Variants in NECAB1 observed in about 807,000 individuals in gnomAD.
NECAB1 encodes the protein N-terminal EF-hand calcium-binding protein 1.
Under a neutral mutation model 57.5 loss-of-function variants are expected in NECAB1, and 29 were observed. The observed-to-expected ratio is 0.50, with a 90% confidence interval of 0.38 to 0.69. The LOEUF is 0.69. Among genes scored for constraint, NECAB1 ranks in the 30% least tolerant of loss-of-function variants. The probability of loss-of-function intolerance (pLI) is 0.00; values close to 1 mark genes in which losing one functional copy is unlikely to be tolerated. For synonymous variants in NECAB1, 142 were observed against 147.7 expected (o/e 0.96, Z 0.28); for missense variants, 372 against 413.8 (o/e 0.90, Z 0.88).
intron 1 of NECAB1, among the ~76,000 whole-genome samples, chr8:90,793,390 C>A (rs909493207): frequency 3.9e-5 from 6 of 152,184 alleles, no homozygotes; most frequent in African/African-American, 1.4e-4. Context: ...TCATCTCCTT[C>A]CCACCAAATC....
rs373779342 is a variant in NECAB1 at position 90,938,985 on chromosome 8, C to G, written c.748-1801C>G. ...CTGAGCTTTCTCGTATGTCTAGGAG[C>G]TCAAGTGTGCTCTATGTGGTTTTTA... On this transcript the variant is annotated intron_variant, in intron 9 of 12. Coordinates refer to ENST00000417640, the MANE Select transcript of NECAB1 (RefSeq NM_022351.5). Among the ~76,000 whole-genome samples, 18 of 152,246 alleles carry G rather than the reference C, an allele frequency of 1.2e-4. No individual in the cohort carries two copies. In the East Asian group the frequency reaches 2.5e-3, roughly 21 times the overall value.
In NECAB1 at chr8:90,917,870, A is replaced by ATATATATATATATATG. The variant is rs1554575432; in HGVS notation, c.494+243_494+244insATATATATATATATGT. 2.3e-3 allele frequency among the ~76,000 whole-genome samples: 150 copies of ATATATATATATATATG among 64,304 alleles called. 1 individual carries two copies. Among genetic ancestry groups the ATATATATATATATATG allele is most frequent in the African/African-American group, 3.2e-3 (31 of 9,584 alleles). The allele number at this position is 64,304 out of a possible 152,430, so 42.2% of individuals were successfully genotyped here. A position where few individuals can be genotyped will look rare whatever the true frequency, so the allele number is the denominator to read the frequency against. On this transcript the variant is annotated intron_variant, in intron 6 of 12. Transcript: ENST00000417640. ...TATATATATATATATATATATATAT[A>ATATATATATATATATG]TGTGTGTGTGTGCGTGTATATATAT...
At chr8:90,950,281 T>C (rs551451004) in intron 11 of NECAB1, among the ~76,000 whole-genome samples, 2 of 152,280 alleles carry the variant, frequency 1.3e-5, no homozygotes, top group South Asian at 4.1e-4. Flanking sequence ...AGTTATTTTA[T>C]TTTACAATAA....
chr8:90,868,560 G>A (rs1454233625), intron 3 of NECAB1, among the ~76,000 whole-genome samples: 1 of 152,188 alleles, frequency 6.6e-6, no homozygotes, highest in East Asian at 1.9e-4. Context: ...TTGTGCCCCT[G>A]TTCTAAGGAT....
chr8:90,900,843 C>T (rs1207893920), intron 5 of NECAB1, among the ~76,000 whole-genome samples: 1 of 152,154 alleles, frequency 6.6e-6, no homozygotes, highest in Non-Finnish European at 1.5e-5. Context: ...GCTCAAAGTG[C>T]CTACTTGAAA....
chr8:90,879,077 A>G (rs1316897590), intron 4 of NECAB1, among the ~76,000 whole-genome samples: 1 of 131,454 alleles, frequency 7.6e-6, no homozygotes, highest in South Asian at 2.1e-4. Flanking sequence ...TATAATATAT[A>G]TTATATATAT....
chr8:90,859,368 T>C (rs1175945968), intron 3 of NECAB1: 5 of 152,186 alleles, frequency 3.3e-5, no homozygotes, highest in Non-Finnish European at 5.9e-5. Context: ...AAGGTTTTAA[T>C]GTGGATGATG....
At chr8:90,941,085 C>CT (rs1302021717) in intron 10 of NECAB1, among the ~76,000 whole-genome samples, 187 bp downstream of exon 10, 1 of 152,206 alleles carries the variant, frequency 6.6e-6, no homozygotes, top group Admixed American at 6.5e-5. Context: ...TCTCTTTAAT[C>CT]TTTAAACCCC....
intron 3 of NECAB1, among the ~76,000 whole-genome samples, chr8:90,855,057 T>G (rs1175720480): frequency 6.6e-6 from 1 of 152,228 alleles, no homozygotes; most frequent in Non-Finnish European, 1.5e-5. Context: ...CCAAGGCCTA[T>G]TCTCTTGTTT....
intron 3 of NECAB1, among the ~76,000 whole-genome samples, chr8:90,869,101 G>A (rs1251233580): frequency 1.3e-5 from 2 of 152,252 alleles, no homozygotes; most frequent in East Asian, 3.9e-4. Context: ...CAAGCCCTAA[G>A]CCTTTGCAAC....
intron 2 of NECAB1, among the ~76,000 whole-genome samples, chr8:90,809,198 T>C (rs1031091983): frequency 1.9e-4 from 29 of 152,312 alleles, no homozygotes; most frequent in African/African-American, 6.7e-4. Context: ...CTTGCCCCTC[T>C]AGATGTGTCT....
At chr8:90,837,573 T>C (rs965135105) in intron 3 of NECAB1, among the ~76,000 whole-genome samples, 2 of 152,218 alleles carry the variant, frequency 1.3e-5, no homozygotes, top group Non-Finnish European at 2.9e-5. Context: ...AAGTGAAACA[T>C]TGGAGAAGGG....
At chr8:90,854,365 G>T (rs1461460907) in intron 3 of NECAB1, among the ~76,000 whole-genome samples, 1 of 152,176 alleles carries the variant, frequency 6.6e-6, no homozygotes, top group Non-Finnish European at 1.5e-5. Context: ...CATTGGGCTT[G>T]TTGGAGCACT....
intron 3 of NECAB1, among the ~76,000 whole-genome samples, chr8:90,839,679 C>T (rs766259862): frequency 1.3e-5 from 2 of 152,046 alleles, no homozygotes; most frequent in African/African-American, 2.4e-5. Context: ...AGCCTGTAGA[C>T]GAGAGAGAGT....
Position 90,881,080 on chromosome 8 carries a change from C to G in NECAB1, c.307C>G (p.Leu103Val). 1 of 1,608,038 alleles carries G rather than the reference C, an allele frequency of 6.2e-7. No individual in the cohort carries two copies. Among genetic ancestry groups the G allele is most frequent in the Admixed American group, 1.7e-5 (1 of 59,524 alleles). Residue 103 changes from leucine (L) to valine (V), a missense_variant, in exon 5 of 13, where the codon CTT (leucine) becomes GTT (valine). Coordinates refer to ENST00000417640, the MANE Select transcript of NECAB1 (RefSeq NM_022351.5). The stretch of plus-strand genomic sequence containing the variant: ...CGAGTATGAGAATGTACTAGCAGCA[C>G]TTGAAGACCTGAATCTTTCCATCCT... ...LGEYENVLAA[L>V]EDLNLSILKA...
At chr8:90,861,796 C>T (rs1808391243) in intron 3 of NECAB1, among the ~76,000 whole-genome samples, 1 of 152,152 alleles carries the variant, frequency 6.6e-6, no homozygotes. Flanking sequence ...CCTAAGATCA[C>T]ACATCTGGTA....
At chr8:90,838,844 A>G (rs1449910895) in intron 3 of NECAB1, among the ~76,000 whole-genome samples, 3 of 152,218 alleles carry the variant, frequency 2.0e-5, no homozygotes, top group Non-Finnish European at 4.4e-5. Flanking sequence ...GCTATAATCT[A>G]TATTTCCAAA....
intron 10 of NECAB1, among the ~76,000 whole-genome samples, chr8:90,941,548 G>C (rs190165958): frequency 6.6e-6 from 1 of 152,260 alleles, no homozygotes; most frequent in East Asian, 1.9e-4. Flanking sequence ...TCTGGAAACA[G>C]TTATCATAGA....
At chr8:90,938,888 G>GAT (rs1810603411) in intron 9 of NECAB1, among the ~76,000 whole-genome samples, 2 of 152,178 alleles carry the variant, frequency 1.3e-5, no homozygotes, top group African/African-American at 2.4e-5. Flanking sequence ...GGGATCAACT[G>GAT]GCTGGTTCTT....
Sources: allele counts gnomAD v4.1 joint callset (sites outside exome capture counted in the v4.1 genomes callset), GRCh38; gene constraint gnomAD v4.1.1; transcripts MANE v1.5; gene names NCBI Gene and HGNC (gene_info 2026-07-23, HGNC 2026-07-21).